TFEC: variants seen among roughly 807,000 people sequenced by gnomAD.
The protein encoded by TFEC is class E basic helix-loop-helix protein 34.
A neutral mutation model predicts 41.6 loss-of-function variants in TFEC; 31 were observed. The observed-to-expected ratio is 0.74, with a 90% CI of 0.56 to 1.01. The LOEUF is 1.01. TFEC is among the 50% of genes least tolerant of loss of function. The pLI is 0.00. For synonymous variants in TFEC, 143 were observed against 140.6 expected (o/e 1.02, Z -0.12); for missense variants, 402 against 404.1 (o/e 0.99, Z 0.04).
intron 1 of TFEC, among the ~76,000 whole-genome samples, chr7:116,006,598 C>T (rs936125639): frequency 3.9e-5 from 6 of 152,134 alleles, no homozygotes; most frequent in African/African-American, 7.2e-5. Flanking sequence ...GGCTCATAGG[C>T]GAAGGGACTT....
intron 1 of TFEC, among the ~76,000 whole-genome samples, chr7:115,992,958 A>T (rs1036988192): frequency 1.3e-5 from 2 of 152,220 alleles, no homozygotes; most frequent in African/African-American, 4.8e-5. Flanking sequence ...ATCCTCAGTA[A>T]AATACTGGCA....
At chr7:116,092,539 A>G (rs1430566374) in intron 3 of TFEC, among the ~76,000 whole-genome samples, 3 of 152,202 alleles carry the variant, frequency 2.0e-5, no homozygotes, top group Non-Finnish European at 4.4e-5. Context: ...CATTATGATG[A>G]CATTTTAACA....
At chr7:116,087,599 T>G (rs968234820) in intron 3 of TFEC, among the ~76,000 whole-genome samples, 1 of 152,100 alleles carries the variant, frequency 6.6e-6, no homozygotes, top group Admixed American at 6.6e-5. Flanking sequence ...AATTCTGTAC[T>G]CAGCTAATTA....
chr7:116,107,140 T>C (rs1211076179), intron 3 of TFEC, among the ~76,000 whole-genome samples: 1 of 152,156 alleles, frequency 6.6e-6, no homozygotes, highest in Non-Finnish European at 1.5e-5. Flanking sequence ...AAGACTTAAC[T>C]AAGACAAGAA....
At chr7:116,032,151 C>T (rs1795799878), upstream of TFEC, among the ~76,000 whole-genome samples, 1 of 152,130 alleles carries the variant, frequency 6.6e-6, no homozygotes, top group African/African-American at 2.4e-5. Context: ...CACATAGATA[C>T]ATATTCACAC....
In TFEC at chr7:116,154,063, G is replaced by A. The variant is rs542579921; in HGVS notation, c.-69+5727C>T. ...CTTAGTGGTAAAGTACACAGGGCCA[G>A]CTAACCATTGCCTTGAAACAGACAT... is the stretch of plus-strand genomic sequence containing the variant. On this transcript the variant is annotated intron_variant, in intron 1 of 8. Coordinates refer to the TFEC transcript ENST00000484212. Among the ~76,000 whole-genome samples the A allele has an allele frequency of 5.3e-5, 8 of 152,294 alleles. No individual in the cohort carries two copies. In the East Asian group the frequency reaches 1.5e-3, roughly 29 times the overall value.
rs138371987 is a variant in TFEC, at chr7:116,144,708, G to A, written c.-69+15082C>T. 5.4e-3 allele frequency among the ~76,000 whole-genome samples: 828 copies of A among 152,292 alleles called. 11 individuals carry two copies. Among genetic ancestry groups the A allele is most frequent in the African/African-American group, 0.019 (789 of 41,552 alleles). On this transcript the variant is annotated intron_variant, in intron 1 of 8. Coordinates refer to the TFEC transcript ENST00000484212. Reference sequence around the variant, plus strand: ...TAAAGAAAATTAATCTCCATAATATGAGTCGGCTTCATCCAATCAGTTGAA... The same window carrying A: ...TAAAGAAAATTAATCTCCATAATATAAGTCGGCTTCATCCAATCAGTTGAA...
intron 3 of TFEC, among the ~76,000 whole-genome samples, chr7:115,966,647 T>C (rs1792864067): frequency 6.6e-6 from 1 of 151,752 alleles, no homozygotes; most frequent in South Asian, 2.1e-4. Context: ...TCTAACACAA[T>C]GTCTGGATTC....
At chr7:115,979,790 C>T (rs1283918772) in intron 2 of TFEC, among the ~76,000 whole-genome samples, 1 of 152,136 alleles carries the variant, frequency 6.6e-6, no homozygotes, top group Admixed American at 6.6e-5. Context: ...TCATCTTCCA[C>T]CTTCACTTTC....
At chr7:115,954,514 T>C (rs533400189) in intron 5 of TFEC, 72 bp downstream of exon 5, 49 of 1,291,128 alleles carry the variant, frequency 3.8e-5, no homozygotes, top group Non-Finnish European at 5.0e-5. Flanking sequence ...TGGAGTATAA[T>C]AAAAGACCAC....
At chr7:115,962,102 A>C (rs1003566537) in intron 3 of TFEC, among the ~76,000 whole-genome samples, 2 of 151,796 alleles carry the variant, frequency 1.3e-5, no homozygotes, top group Non-Finnish European at 2.9e-5. Flanking sequence ...AAATAGCATC[A>C]AAAGGAATGA....
At chr7:115,997,586 T>C (rs986915872) in intron 1 of TFEC, among the ~76,000 whole-genome samples, 2 of 151,698 alleles carry the variant, frequency 1.3e-5, no homozygotes, top group Non-Finnish European at 2.9e-5. Flanking sequence ...CAGGAAAATA[T>C]GACCTCACCA....
intron 3 of TFEC, among the ~76,000 whole-genome samples, chr7:115,972,467 G>A (rs1001966505): frequency 4.6e-5 from 7 of 151,980 alleles, no homozygotes; most frequent in Non-Finnish European, 8.8e-5. Flanking sequence ...ATTCTTTCCC[G>A]CCCTCTCTCA....
chr7:116,060,247 C>T (rs1796521522), intron 3 of TFEC, among the ~76,000 whole-genome samples: 2 of 152,070 alleles, frequency 1.3e-5, no homozygotes, highest in South Asian at 4.1e-4. Context: ...AAAGAAAACA[C>T]TCATACACTG....
At chr7:116,139,929 C>G (rs1302482261) in intron 1 of TFEC, among the ~76,000 whole-genome samples, 1 of 152,090 alleles carries the variant, frequency 6.6e-6, no homozygotes, top group Non-Finnish European at 1.5e-5. Flanking sequence ...GGGCATAACC[C>G]CCATGAGGCT....
chr7:116,093,966 A>T (rs1797389335), intron 3 of TFEC, among the ~76,000 whole-genome samples: 1 of 152,174 alleles, frequency 6.6e-6, no homozygotes, highest in African/African-American at 2.4e-5. Flanking sequence ...TTCATTTTCC[A>T]TTTTCCCCAG....
At chr7:116,114,151 CATAGTAG>C (rs1797919572) in intron 1 of TFEC, among the ~76,000 whole-genome samples, 1 of 151,980 alleles carries the variant, frequency 6.6e-6, no homozygotes, top group Non-Finnish European at 1.5e-5. Flanking sequence ...GTGCTTCACA[CATAGTAG>C]ATACTCAGTA....
intron 1 of TFEC, among the ~76,000 whole-genome samples, chr7:115,995,535 T>C (rs1253794416): frequency 6.6e-6 from 1 of 152,102 alleles, no homozygotes; most frequent in African/African-American, 2.4e-5. Context: ...ATGGGGAAGA[T>C]GGCCGAATAG....
intron 1 of TFEC, among the ~76,000 whole-genome samples, chr7:116,123,220 G>A (rs1406278160): frequency 6.6e-6 from 1 of 152,088 alleles, no homozygotes; most frequent in Admixed American, 6.6e-5. Flanking sequence ...TGAACAAGAT[G>A]CATTGAAATT....
Sources: gnomAD v4.1 joint callset for allele counts (sites outside exome capture counted in the v4.1 genomes callset) on GRCh38, gnomAD v4.1.1 for gene constraint, MANE v1.5 for transcripts, NCBI Gene and HGNC (gene_info 2026-07-23, HGNC 2026-07-21) for gene names.